The following AMPH variants were observed in gnomAD, a reference collection of about 807,000 sequenced individuals.
AMPH encodes amphiphysin.
Under a neutral mutation model 99.1 loss-of-function variants are expected in AMPH, and 49 were observed. That is an observed-to-expected ratio of 0.49 (90% CI 0.39 to 0.63). The LOEUF (loss-of-function observed/expected upper bound fraction) is 0.63, where lower values mean the gene tolerates loss of function less well. AMPH is among the 20% of genes least tolerant of loss of function. AMPH has a pLI of 0.00. For synonymous variants in AMPH, 314 were observed against 317.3 expected (o/e 0.99, Z 0.11); for missense variants, 759 against 863.4 (o/e 0.88, Z 1.52).
chr7:38,550,955 A>G (rs1791159890), intron 1 of AMPH, among the ~76,000 whole-genome samples: 1 of 152,172 alleles, frequency 6.6e-6, no homozygotes, highest in Admixed American at 6.5e-5. Flanking sequence ...TGGCTCAGTG[A>G]CACTCAAAAA....
intron 1 of AMPH, among the ~76,000 whole-genome samples, chr7:38,622,021 A>C (rs935334986): frequency 2.0e-5 from 3 of 152,206 alleles, no homozygotes; most frequent in Admixed American, 6.5e-5. Context: ...TCAATTTTGC[A>C]TGATGCTGTA....
chr7:38,600,452 G>A (rs958089049), intron 1 of AMPH, among the ~76,000 whole-genome samples: 2 of 151,966 alleles, frequency 1.3e-5, no homozygotes, highest in Admixed American at 6.6e-5. Context: ...TGATGTTCTC[G>A]TAAGATTAAT....
intron 1 of AMPH, among the ~76,000 whole-genome samples, chr7:38,581,656 G>A (rs1208078974): frequency 6.6e-6 from 1 of 152,202 alleles, no homozygotes; most frequent in African/African-American, 2.4e-5. Flanking sequence ...AGCAAGGAAA[G>A]GACAAGGGAC....
chr7:38,575,718 A>G (rs549183582), intron 1 of AMPH, among the ~76,000 whole-genome samples: 5 of 152,232 alleles, frequency 3.3e-5, no homozygotes, highest in African/African-American at 1.2e-4. Context: ...TTCTCCTACA[A>G]ATTACCCAGT....
chr7:38,487,075 G>T (rs752043873), intron 5 of AMPH, among the ~76,000 whole-genome samples: 2 of 152,000 alleles, frequency 1.3e-5, no homozygotes, highest in Non-Finnish European at 2.9e-5. Flanking sequence ...GCAAGAAAGA[G>T]AAATAAAATT....
At chr7:38,416,943 C>G (rs796609976) in intron 17 of AMPH, among the ~76,000 whole-genome samples, 1 of 152,160 alleles carries the variant, frequency 6.6e-6, no homozygotes, top group African/African-American at 2.4e-5. Flanking sequence ...AAGGCACCAA[C>G]GACATGAAGT....
chr7:38,630,744 G>A (rs1325721949), intron 1 of AMPH, among the ~76,000 whole-genome samples: 1 of 152,150 alleles, frequency 6.6e-6, no homozygotes, highest in African/African-American at 2.4e-5. Context: ...ATTGGTCCTG[G>A]GAGATTTTTG....
intron 5 of AMPH, among the ~76,000 whole-genome samples, chr7:38,482,127 T>C (rs1788306381): frequency 6.6e-6 from 1 of 152,158 alleles, no homozygotes; most frequent in African/African-American, 2.4e-5. Context: ...TAATAGCATT[T>C]TGATTTCCTC....
chr7:38,580,274 T>C (rs930120041), intron 1 of AMPH, among the ~76,000 whole-genome samples: 1 of 152,182 alleles, frequency 6.6e-6, no homozygotes, highest in Non-Finnish European at 1.5e-5. Flanking sequence ...CCCAGTGAGA[T>C]GCTACAAGAA....
In AMPH at chr7:38,408,386, A is replaced by G. The variant is rs187458557; in HGVS notation, c.1398+9439T>C. On this transcript the variant is annotated intron_variant, in intron 17 of 20. Transcript: ENST00000356264. ...ACATACTATCTGGGCATCAAAGCAA[A>G]CATATCACAAAATGCCTCTTAATCA... Among the ~76,000 whole-genome samples, 11 of 152,328 alleles carry G rather than the reference A, an allele frequency of 7.2e-5. No individual in the cohort carries two copies. The East Asian group carries it at 2.1e-3, about 29-fold the overall frequency.
rs1562859879 is a variant in AMPH at position 38,610,250 on chromosome 7, A to G, written c.69+21033T>C. On this transcript the variant is annotated intron_variant, in intron 1 of 20. Coordinates refer to ENST00000356264, the MANE Select transcript of AMPH (RefSeq NM_001635.4). ...AAGCTCTCTCAAAAAAAAAAAAAAA[A>G]AAAAAAAAAAAAAGAAAGAAAGAAA... 2.0e-3 allele frequency among the ~76,000 whole-genome samples: 49 copies of G among 25,044 alleles called. 4 individuals carry two copies. Among genetic ancestry groups the G allele is most frequent in the Non-Finnish European group, 3.6e-3 (44 of 12,270 alleles). The allele number at this position is 25,044 out of a possible 152,430, so 16.4% of individuals were successfully genotyped here. A position where few individuals can be genotyped will look rare whatever the true frequency, so the allele number is the denominator to read the frequency against.
At chr7:38,565,820 C>A (rs892750619) in intron 1 of AMPH, among the ~76,000 whole-genome samples, 2 of 152,180 alleles carry the variant, frequency 1.3e-5, no homozygotes, top group Admixed American at 1.3e-4. Context: ...TCTCTTTCAA[C>A]CAGTCATCAC....
At chr7:38,519,243 G>T (rs909583171) in intron 2 of AMPH, among the ~76,000 whole-genome samples, 1 of 152,170 alleles carries the variant, frequency 6.6e-6, no homozygotes. Context: ...TGCTACAGCA[G>T]CAAAAAACAG....
At chr7:38,403,842 T>C (rs1460686126) in intron 17 of AMPH, among the ~76,000 whole-genome samples, 2 of 152,210 alleles carry the variant, frequency 1.3e-5, no homozygotes, top group Non-Finnish European at 2.9e-5. Flanking sequence ...TACTGGGGCC[T>C]TGGGCAAGTG....
intron 13 of AMPH, among the ~76,000 whole-genome samples, chr7:38,431,576 A>T (rs1786028954): frequency 6.6e-6 from 1 of 151,908 alleles, no homozygotes; most frequent in African/African-American, 2.4e-5. Context: ...GAAGGGTGTG[A>T]ACCCGGGAGG....
At position 38,384,602 on chromosome 7, in the gene AMPH, A is replaced by G; in HGVS notation, c.*216T>C. 1 of 469,266 alleles carries G rather than the reference A, an allele frequency of 2.1e-6. No individual in the cohort carries two copies. 29.1% of individuals were successfully genotyped at this position (469,266 alleles called of 1,614,324 possible). On this transcript the variant is annotated 3_prime_UTR_variant, in exon 21 of 21. Coordinates refer to ENST00000356264, the MANE Select transcript of AMPH (RefSeq NM_001635.4). ...TGGACAAAGCACAAACAAACCTGTTATTGACAACATGGGAATGAGTGAGGA... is the reference window on the plus strand; with the variant it reads ...TGGACAAAGCACAAACAAACCTGTTGTTGACAACATGGGAATGAGTGAGGA...
chr7:38,448,826 T>A (rs1227106205), intron 11 of AMPH, among the ~76,000 whole-genome samples: 1 of 152,258 alleles, frequency 6.6e-6, no homozygotes, highest in Admixed American at 6.5e-5. Flanking sequence ...GCTCTAGGAA[T>A]GAGTTGACAC....
intron 14 of AMPH, 126 bp from the exon 15 acceptor site, chr7:38,427,112 G>A: frequency 1.2e-6 from 1 of 807,826 alleles, no homozygotes; most frequent in East Asian, 2.7e-5. Context: ...ACAAAAGGTT[G>A]CTGTGCATGA....
At chr7:38,589,675 A>T (rs1397114533) in intron 1 of AMPH, among the ~76,000 whole-genome samples, 1 of 152,244 alleles carries the variant, frequency 6.6e-6, no homozygotes, top group Non-Finnish European at 1.5e-5. Context: ...CTCTAAGAAT[A>T]CAGGCTTTGC....
Sources: gnomAD v4.1 joint callset for allele counts (sites outside exome capture counted in the v4.1 genomes callset) on GRCh38, gnomAD v4.1.1 for gene constraint, MANE v1.5 for transcripts, NCBI Gene and HGNC (gene_info 2026-07-23, HGNC 2026-07-21) for gene names.